Variants in RGS12 observed in about 807,000 individuals in gnomAD.
RGS12 encodes the protein regulator of G protein signaling 12.
RGS12 carries 66 observed loss-of-function variants against 120.1 expected under a neutral mutation model. That is an observed-to-expected ratio of 0.55 (90% confidence interval 0.45 to 0.67). The LOEUF (loss-of-function observed/expected upper bound fraction) is 0.67, where lower values mean the gene tolerates loss of function less well. Ranked by LOEUF, RGS12 falls within the 30% of genes least tolerant of loss-of-function variation. RGS12 has a pLI of 0.00. For missense variants in RGS12, 1,859 were observed against 1,957.7 expected (o/e 0.95, Z 0.95); for synonymous variants, 827 against 804.7 (o/e 1.03, Z -0.47).
At chr4:3,417,260 A>G (rs1339399492) in intron 8 of RGS12, 128 bp from the exon 9 acceptor site, 1 of 1,309,600 alleles carries the variant, frequency 7.6e-7, no homozygotes, top group Non-Finnish European at 1.0e-6. Flanking sequence ...GGGCCACACC[A>G]TGACCTGTAG....
intron 9 of RGS12, chr4:3,418,120 C>G (rs2109131002): frequency 6.6e-6 from 1 of 152,400 alleles, no homozygotes; most frequent in Admixed American, 6.5e-5. Context: ...GATGCTCTGT[C>G]CCTTTTTTCT....
intron 9 of RGS12, among the ~76,000 whole-genome samples, chr4:3,420,009 G>A (rs760307124): frequency 2.6e-5 from 4 of 152,168 alleles, no homozygotes; most frequent in East Asian, 3.8e-4. Flanking sequence ...CATGTGCAGC[G>A]GTGTGGTTTG....
intron 4 of RGS12, among the ~76,000 whole-genome samples, chr4:3,388,002 G>A (rs1425856052): frequency 6.6e-6 from 1 of 152,126 alleles, no homozygotes; most frequent in African/African-American, 2.4e-5. Context: ...CTGGCTCTGT[G>A]TGTCCCTCTG....
intron 3 of RGS12, among the ~76,000 whole-genome samples, chr4:3,355,575 A>AT (rs1336697935): frequency 6.6e-6 from 1 of 152,138 alleles, no homozygotes; most frequent in Non-Finnish European, 1.5e-5. Flanking sequence ...TGGGCAGATC[A>AT]TTTGAGTTCA....
At chr4:3,406,634 C>A (rs1423902901) in intron 4 of RGS12, among the ~76,000 whole-genome samples, 1 of 152,214 alleles carries the variant, frequency 6.6e-6, no homozygotes, top group Non-Finnish European at 1.5e-5. Context: ...CTGTGTGTCA[C>A]CCGCCCTCTC....
In RGS12 at chr4:3,316,932, C is replaced by T; in HGVS notation, c.762C>T (p.Ala254=). The part of the protein sequence containing the change: ...SSNLESDSLQ[A]IRGCMRRLRA... ...ACCTGGAGTCCGACAGCTTGCAAGC[C>T]ATCCGCGGCTGCATGCGGCGCCTGC... The change falls in exon 2 of 18, where the codon GCC becomes GCT. Residue 254 remains alanine, a synonymous_variant. Coordinates refer to ENST00000336727, the MANE Select transcript of RGS12 (RefSeq NM_001394154.1). 2.5e-6 allele frequency: 4 copies of T among 1,613,982 alleles called. No individual in the cohort carries two copies. In the South Asian group the frequency reaches 3.3e-5, roughly 13 times the overall value.
rs895600768 is a variant in RGS12, at chr4:3,430,938, C to A, written c.4097C>A (p.Pro1366Gln). 1 of 1,612,604 alleles carries A rather than the reference C, an allele frequency of 6.2e-7. No homozygotes were observed. The highest frequency in any genetic ancestry group is 1.3e-5 in the African/African-American group (1 of 74,938). ...LPPPSTPQEV[P>Q]GPSRPGSGTH... Reference sequence around the variant, plus strand: ...CCGCCCTCCACCCCCCAGGAAGTGCCAGGACCTTCCAGACCAGGTACCTCC... The same window carrying A: ...CCGCCCTCCACCCCCCAGGAAGTGCAAGGACCTTCCAGACCAGGTACCTCC... Residue 1366 changes from proline to glutamine, a missense_variant, in exon 17 of 18, where the codon CCA becomes CAA. By Grantham distance (76) the Pro-to-Gln change is moderately conservative. Coordinates refer to ENST00000336727, the MANE Select transcript of RGS12 (RefSeq NM_001394154.1).
chr4:3,392,646 A>AT (rs1719620763), intron 4 of RGS12, among the ~76,000 whole-genome samples: 1 of 151,880 alleles, frequency 6.6e-6, no homozygotes, highest in Non-Finnish European at 1.5e-5. Context: ...AGTTCCTTCT[A>AT]TTTTTTTCAT....
intron 9 of RGS12, 168 bp downstream of exon 9, chr4:3,417,709 G>T: frequency 1.5e-6 from 1 of 686,288 alleles, no homozygotes; most frequent in Non-Finnish European, 2.4e-6. Context: ...GCTGTGTCTG[G>T]GGACACGACC....
At chr4:3,387,254 C>G (rs546456067) in intron 4 of RGS12, among the ~76,000 whole-genome samples, 1 of 152,310 alleles carries the variant, frequency 6.6e-6, no homozygotes, top group African/African-American at 2.4e-5. Context: ...GCCCAGGGGC[C>G]GGTGGGTTTG....
chr4:3,438,112 G>C (rs758453132), intron 17 of RGS12, among the ~76,000 whole-genome samples: 6 of 152,098 alleles, frequency 3.9e-5, no homozygotes, highest in Non-Finnish European at 7.4e-5. Flanking sequence ...GGGACCCCCT[G>C]TCCCTGGTTC....
At chr4:3,310,759 A>G (rs1266802282) in intron 1 of RGS12, among the ~76,000 whole-genome samples, 1 of 152,048 alleles carries the variant, frequency 6.6e-6, no homozygotes, top group South Asian at 2.1e-4. Flanking sequence ...CTGCTGGGAC[A>G]TGATGACTAT....
At position 3,317,319 on chromosome 4, in the gene RGS12, G is replaced by A; in HGVS notation, c.1149G>A (p.Leu383=). The change falls in exon 2 of 18, where the codon CTG becomes CTA. Residue 383 remains leucine (L), a synonymous_variant. Transcript: ENST00000336727. The stretch of plus-strand genomic sequence containing the variant: ...TCCCGGCGTCCTCCCTCCCCGTCCT[G>A]CAGTTCATCTCTGTCCTGTACCGAG... The part of the protein sequence containing the change: ...LEFPASSLPV[L]QFISVLYRDM... The A allele has an allele frequency of 6.2e-7, 1 of 1,614,144 alleles. No homozygotes were observed. The highest frequency in any genetic ancestry group is 8.5e-7 in the Non-Finnish European group (1 of 1,180,048).
chr4:3,353,625 G>A (rs1165858958), intron 3 of RGS12, among the ~76,000 whole-genome samples: 1 of 152,140 alleles, frequency 6.6e-6, no homozygotes, highest in Non-Finnish European at 1.5e-5. Flanking sequence ...ACTGTGCCAC[G>A]GGCTTCTCCT....
rs139193723 is a variant in RGS12, at chr4:3,433,793, C to T, written c.4114+2838C>T. Among the ~76,000 whole-genome samples the T allele has an allele frequency of 2.3e-3, 349 of 152,338 alleles. No individual in the cohort carries two copies. Among genetic ancestry groups the T allele is most frequent in the African/African-American group, 7.9e-3 (330 of 41,572 alleles). On this transcript the variant is annotated intron_variant, in intron 17 of 17. Coordinates refer to ENST00000336727, the MANE Select transcript of RGS12 (RefSeq NM_001394154.1). The surrounding 1 kb of genome is among the most constrained non-coding windows in gnomAD (Gnocchi z 4.4). ...CCCCGTCTGTCTAGCCCCAGCACCA[C>T]GCACCGAGACCGAGACCATGCACCA...
At chr4:3,423,958 C>G (rs1723327273) in intron 13 of RGS12, 1 of 256,568 alleles carries the variant, frequency 3.9e-6, no homozygotes, top group Non-Finnish European at 7.8e-6. Flanking sequence ...CCAATGTGAT[C>G]AGATAAGAGA....
In RGS12 at chr4:3,311,826, C is replaced by A. The variant is rs77541593; in HGVS notation, c.-101-4244C>A. The stretch of plus-strand genomic sequence containing the variant: ...ACAGCCCTTCTGGTCCCAAAAATCT[C>A]TTCTAAGGGACACTCAGCCTGTGTG... On this transcript the variant is annotated intron_variant, in intron 1 of 17. Transcript: ENST00000336727. 2.0e-3 allele frequency among the ~76,000 whole-genome samples: 299 copies of A among 152,330 alleles called. 1 individual carries two copies. The highest frequency in any genetic ancestry group is 7.0e-3 in the African/African-American group (292 of 41,578).
intron 3 of RGS12, among the ~76,000 whole-genome samples, chr4:3,363,619 G>A (rs1286792476): frequency 6.6e-6 from 1 of 152,132 alleles, no homozygotes; most frequent in Non-Finnish European, 1.5e-5. Flanking sequence ...GATGGACGCA[G>A]CGTCCCGCTC....
At chr4:3,427,027 C>T (rs1442214981) in intron 14 of RGS12, among the ~76,000 whole-genome samples, 3 of 152,182 alleles carry the variant, frequency 2.0e-5, no homozygotes, top group Non-Finnish European at 4.4e-5. Flanking sequence ...GGGTCCCAGT[C>T]AGAAGCAAGC....
Sources: gnomAD v4.1 joint callset for allele counts (sites outside exome capture counted in the v4.1 genomes callset) on GRCh38, gnomAD v4.1.1 for gene constraint, Gnocchi (gnomAD v3.1) non-coding constraint, MANE v1.5 for transcripts, NCBI Gene and HGNC (gene_info 2026-07-23, HGNC 2026-07-21) for gene names.